The following BDKRB2 variants were observed in gnomAD, a reference collection of about 807,000 sequenced individuals.
The protein encoded by BDKRB2 is B2 bradykinin receptor.
BDKRB2 carries 6 observed loss-of-function variants against 4.0 expected under a neutral mutation model. The observed-to-expected ratio is 1.49, with a 90% CI of 0.81 to 2.93. The LOEUF is 2.93. BDKRB2 is among the 30% of genes most tolerant of loss of function. The pLI is 0.00. For missense variants in BDKRB2, 478 were observed against 520.1 expected, an observed-to-expected ratio of 0.92 and a Z score of 0.79; for synonymous variants, 225 against 215.3, an observed-to-expected ratio of 1.05 and a Z score of -0.40.
intron 1 of BDKRB2, among the ~76,000 whole-genome samples, chr14:96,206,617 C>T (rs1773590595): frequency 6.6e-6 from 1 of 151,866 alleles, no homozygotes; most frequent in South Asian, 2.1e-4. Flanking sequence ...GACTTTTGCA[C>T]CAACCGAATA....
chr14:96,240,089 G>A (rs956260695), intron 2 of BDKRB2: 27 of 1,092,780 alleles, frequency 2.5e-5, no homozygotes, highest in Middle Eastern at 7.8e-4. Flanking sequence ...CATCACGGAA[G>A]CTTCAAGGAG....
intron 1 of BDKRB2, among the ~76,000 whole-genome samples, chr14:96,233,224 A>G (rs1024437285): frequency 6.6e-6 from 1 of 152,142 alleles, no homozygotes; most frequent in African/African-American, 2.4e-5. Context: ...TTGTAGACAC[A>G]GTCTCGGCTG....
intron 1 of BDKRB2, among the ~76,000 whole-genome samples, chr14:96,212,097 G>C (rs1253388188): frequency 6.6e-6 from 1 of 152,128 alleles, no homozygotes; most frequent in Non-Finnish European, 1.5e-5. Context: ...ACAGAATCTG[G>C]AGGGAGACCT....
At chr14:96,225,632 C>T (rs1303548848) in intron 1 of BDKRB2, among the ~76,000 whole-genome samples, 1 of 152,074 alleles carries the variant, frequency 6.6e-6, no homozygotes, top group Non-Finnish European at 1.5e-5. Context: ...GCCCTTAGAC[C>T]CCAGATACTA....
In BDKRB2 at chr14:96,240,898, A is replaced by T; in HGVS notation, c.570A>T (p.Ser190=). ...GGGGGTGTACGCTGCTCCTGAGCTC[A>T]CCCATGCTGGTGTTCCGGACCATGA... ...VIWGCTLLLS[S]PMLVFRTMKE... Residue 190 remains serine (S), a synonymous_variant, in exon 3 of 3, where the codon TCA becomes TCT. Coordinates refer to ENST00000554311, the MANE Select transcript of BDKRB2 (RefSeq NM_001379692.1). 1 of 1,597,134 alleles carries T rather than the reference A, an allele frequency of 6.3e-7. No individual in the cohort carries two copies.
chr14:96,226,298 A>G (rs1302535588), intron 1 of BDKRB2, among the ~76,000 whole-genome samples: 1 of 152,168 alleles, frequency 6.6e-6, no homozygotes, highest in Non-Finnish European at 1.5e-5. Flanking sequence ...TGACAATCAG[A>G]CAATGTTAGC....
intron 1 of BDKRB2, among the ~76,000 whole-genome samples, chr14:96,212,938 G>A (rs57468174): frequency 0.01 from 1,579 of 152,050 alleles, 41 homozygotes; most frequent in African/African-American, 0.036. Context: ...ATAGGAGTTC[G>A]GTCTGAGCCC....
At chr14:96,229,365 G>A (rs933121358) in intron 1 of BDKRB2, among the ~76,000 whole-genome samples, 7 of 152,106 alleles carry the variant, frequency 4.6e-5, no homozygotes, top group African/African-American at 1.4e-4. Context: ...GGGATGACTA[G>A]GCAAGTCAGA....
At chr14:96,239,980 T>C in intron 2 of BDKRB2, 1 of 991,362 alleles carries the variant, frequency 1.0e-6, no homozygotes, top group Non-Finnish European at 1.2e-6. Flanking sequence ...TTTTCTCTTT[T>C]AATAAATTAA....
chr14:96,227,027 A>T (rs1456034248), intron 1 of BDKRB2, among the ~76,000 whole-genome samples: 1 of 152,196 alleles, frequency 6.6e-6, no homozygotes, highest in Admixed American at 6.5e-5. Context: ...CTCCAGCAAG[A>T]GACAGGCAAA....
Position 96,206,163 on chromosome 14 carries a change from AC to A in BDKRB2, c.-40+1205del, listed in dbSNP as rs1211060647. ...CCCTGGCAGCAGCAAGAGACATTCC[AC>A]AGTTGTGAGCCCCACAAGCTTGGAG... On this transcript the variant is annotated intron_variant, in intron 1 of 2. Transcript: ENST00000554311. Among the ~76,000 whole-genome samples the A allele has an allele frequency of 2.0e-5, 3 of 152,242 alleles. No individual in the cohort carries two copies. The East Asian group carries it at 5.8e-4, about 29-fold the overall frequency.
At chr14:96,227,534 C>T (rs979856654) in intron 1 of BDKRB2, among the ~76,000 whole-genome samples, 12 of 152,294 alleles carry the variant, frequency 7.9e-5, no homozygotes, top group Admixed American at 2.6e-4. Flanking sequence ...TGCACGCACA[C>T]GTGTACACAC....
chr14:96,231,938 G>A (rs1320374236), intron 1 of BDKRB2, among the ~76,000 whole-genome samples: 2 of 152,168 alleles, frequency 1.3e-5, no homozygotes, highest in Non-Finnish European at 2.9e-5. Context: ...GACTAAGGAT[G>A]GAGCCCAGCT....
chr14:96,209,129 TCACC>T (rs954749037), intron 1 of BDKRB2, among the ~76,000 whole-genome samples: 4 of 151,570 alleles, frequency 2.6e-5, no homozygotes, highest in African/African-American at 9.8e-5. Flanking sequence ...TGGAGACTGG[TCACC>T]CACGCAGGTG....
intron 1 of BDKRB2, among the ~76,000 whole-genome samples, chr14:96,206,012 CT>C (rs1433872307): frequency 5.6e-4 from 86 of 152,286 alleles, no homozygotes; most frequent in African/African-American, 1.9e-3. Flanking sequence ...AACCCCGCCC[CT>C]AATTCCATTT....
chr14:96,236,810 C>T (rs1200721251), intron 1 of BDKRB2, among the ~76,000 whole-genome samples: 3 of 152,216 alleles, frequency 2.0e-5, no homozygotes, highest in Non-Finnish European at 4.4e-5. Context: ...GTTCTATGCT[C>T]TCACAGGACC....
Position 96,225,977 on chromosome 14 carries a change from G to A in BDKRB2, c.-39-11092G>A, listed in dbSNP as rs139589562. Among the ~76,000 whole-genome samples, 183 of 152,220 alleles carry A rather than the reference G, an allele frequency of 1.2e-3. 1 individual carries two copies. The highest frequency in any genetic ancestry group is 0.01 in the Middle Eastern group (3 of 294). ...ACCACCAGGGGGCTGGAGAGGCTGC[G>A]GGAGAAACAGCCTTCCTGGACACAC... On this transcript the variant is annotated intron_variant, in intron 1 of 2. Coordinates refer to ENST00000554311, the MANE Select transcript of BDKRB2 (RefSeq NM_001379692.1).
At chr14:96,240,144 C>T in intron 2 of BDKRB2, 1 of 1,202,876 alleles carries the variant, frequency 8.3e-7, no homozygotes, top group Non-Finnish European at 1.0e-6. Context: ...TTGGTGGATA[C>T]TGGCCAAGGA....
At chr14:96,215,791 C>T (rs1890403593) in intron 1 of BDKRB2, among the ~76,000 whole-genome samples, 1 of 152,164 alleles carries the variant, frequency 6.6e-6, no homozygotes, top group African/African-American at 2.4e-5. Context: ...AATAGTCATC[C>T]CTAACATTGA....
Sources: allele counts gnomAD v4.1 joint callset (sites outside exome capture counted in the v4.1 genomes callset), GRCh38; gene constraint gnomAD v4.1.1; transcripts MANE v1.5; gene names NCBI Gene and HGNC (gene_info 2026-07-23, HGNC 2026-07-21).